Variants in SHISA9 observed in about 807,000 individuals in gnomAD.
SHISA9 encodes the protein shisa family member 9, also known as protein shisa-9.
Under a neutral mutation model 38.0 loss-of-function variants are expected in SHISA9, and 13 were observed. That is an observed-to-expected ratio of 0.34 (90% CI 0.22 to 0.54). The LOEUF (loss-of-function observed/expected upper bound fraction) is 0.54, where lower values mean the gene tolerates loss of function less well. Ranked by LOEUF, SHISA9 falls within the 20% of genes least tolerant of loss-of-function variation. The pLI, the probability that SHISA9 is intolerant of heterozygous loss-of-function variation, is 0.91. For missense variants in SHISA9, 538 were observed against 575.8 expected, an observed-to-expected ratio of 0.93 and a Z score of 0.67; for synonymous variants, 275 against 242.0, an observed-to-expected ratio of 1.14 and a Z score of -1.27.
At chr16:13,225,714 C>T (rs552064160) in intron 4 of SHISA9, among the ~76,000 whole-genome samples, 59 of 152,244 alleles carry the variant, frequency 3.9e-4, no homozygotes, top group Non-Finnish European at 6.5e-4. Flanking sequence ...CTCAGATGTG[C>T]AGCTTGTTTT....
the SHISA9 span, among the ~76,000 whole-genome samples, chr16:13,355,474 A>G: frequency 2.0e-5 from 3 of 152,006 alleles, no homozygotes; most frequent in Non-Finnish European, 2.9e-5. Context: ...AAGGGCGGCA[A>G]TGAGATATAG....
chr16:13,514,007 T>A, the SHISA9 span, among the ~76,000 whole-genome samples: 3 of 51,632 alleles, frequency 5.8e-5, no homozygotes, highest in East Asian at 9.0e-4. Context: ...AATAAAATAT[T>A]TTTTTTTAAC....
At chr16:13,479,829 T>A in the SHISA9 span, among the ~76,000 whole-genome samples, 1 of 152,210 alleles carries the variant, frequency 6.6e-6, no homozygotes, top group African/African-American at 2.4e-5. Flanking sequence ...TGTCAGGGAT[T>A]CCCATGTGTG....
chr16:12,938,926 C>A (rs1034522194), intron 2 of SHISA9, among the ~76,000 whole-genome samples: 6 of 152,150 alleles, frequency 3.9e-5, no homozygotes, highest in Non-Finnish European at 7.3e-5. Flanking sequence ...CTTCTAAGTT[C>A]TCCCTCCCAT....
the SHISA9 span, among the ~76,000 whole-genome samples, chr16:13,257,010 A>T: frequency 6.6e-6 from 1 of 152,296 alleles, no homozygotes; most frequent in African/African-American, 2.4e-5. Flanking sequence ...GGTGCCCTTG[A>T]ACCCAGTGTT....
intron 2 of SHISA9, among the ~76,000 whole-genome samples, chr16:13,021,672 G>A (rs34605457): frequency 0.078 from 11,863 of 152,204 alleles, 615 homozygotes; most frequent in East Asian, 0.27. Context: ...ATAAAACTCA[G>A]CATAACTTTA....
At chr16:13,528,580 T>G in the SHISA9 span, among the ~76,000 whole-genome samples, 24 of 152,208 alleles carry the variant, frequency 1.6e-4, no homozygotes, top group Non-Finnish European at 2.4e-4. Flanking sequence ...GAAAGGCATT[T>G]TTTTGGAGGT....
chr16:13,002,531 G>A (rs2072538486), intron 2 of SHISA9, among the ~76,000 whole-genome samples: 1 of 137,906 alleles, frequency 7.3e-6, no homozygotes, highest in South Asian at 2.3e-4. Flanking sequence ...GTTGGTTCCT[G>A]TCTTTTTTTT....
At chr16:13,027,927 CAAAAACAA>C (rs2072943760) in intron 2 of SHISA9, among the ~76,000 whole-genome samples, 1 of 29,406 alleles carries the variant, frequency 3.4e-5, no homozygotes. Context: ...AGCTCTGTCT[CAAAAACAA>C]AAAAAAAAAA....
At chr16:13,189,895 C>T (rs1442356947) in intron 2 of SHISA9, among the ~76,000 whole-genome samples, 2 of 151,826 alleles carry the variant, frequency 1.3e-5, no homozygotes, top group East Asian at 1.9e-4. Context: ...TGATGGAAGA[C>T]AAAGGAAGAC....
chr16:13,015,707 C>G (rs992508868), intron 2 of SHISA9, among the ~76,000 whole-genome samples: 2 of 151,978 alleles, frequency 1.3e-5, no homozygotes, highest in Non-Finnish European at 2.9e-5. Flanking sequence ...GTAGATACAC[C>G]GGTTCCCTAC....
intron 2 of SHISA9, among the ~76,000 whole-genome samples, chr16:13,176,325 A>G (rs769746963): frequency 2.0e-5 from 3 of 152,146 alleles, no homozygotes; most frequent in Non-Finnish European, 4.4e-5. Context: ...GACACGAGTC[A>G]TCTGTCCTGG....
intron 3 of SHISA9, among the ~76,000 whole-genome samples, chr16:13,210,960 G>T (rs1283843997): frequency 1.3e-5 from 2 of 152,182 alleles, no homozygotes; most frequent in Non-Finnish European, 2.9e-5. Flanking sequence ...TCTTCTGGGG[G>T]AAGGAGAGCT....
intron 2 of SHISA9, among the ~76,000 whole-genome samples, chr16:13,196,035 C>G (rs1054991241): frequency 1.6e-5 from 2 of 126,036 alleles, no homozygotes; most frequent in South Asian, 2.6e-4. Flanking sequence ...CTGCAGCGAG[C>G]TGAGATTGCA....
chr16:13,068,091 C>G (rs910370787), intron 2 of SHISA9, among the ~76,000 whole-genome samples: 1 of 152,176 alleles, frequency 6.6e-6, no homozygotes, highest in Non-Finnish European at 1.5e-5. Flanking sequence ...GATCAGGCTC[C>G]TTGGGCTGGA....
intron 4 of SHISA9, among the ~76,000 whole-genome samples, chr16:13,222,570 G>A (rs415232): frequency 0.37 from 55,455 of 151,928 alleles, 11,539 homozygotes; most frequent in East Asian, 0.66. Flanking sequence ...GTGGCTTCCA[G>A]GAAGGCTGGT....
chr16:12,941,146 G>A (rs1185510913), intron 2 of SHISA9, among the ~76,000 whole-genome samples: 2 of 152,136 alleles, frequency 1.3e-5, no homozygotes, highest in East Asian at 1.9e-4. Flanking sequence ...GAGGTCAGGA[G>A]TTAGAGACCA....
intron 2 of SHISA9, among the ~76,000 whole-genome samples, chr16:13,090,185 G>C (rs545137200): frequency 2.5e-4 from 38 of 152,126 alleles, no homozygotes; most frequent in Admixed American, 1.4e-3. Context: ...TGTGATTTCT[G>C]TTCTTTTACA....
At chr16:13,045,757 C>A (rs1336162481) in intron 2 of SHISA9, among the ~76,000 whole-genome samples, 2 of 90,702 alleles carry the variant, frequency 2.2e-5, no homozygotes, top group Non-Finnish European at 5.7e-5. Flanking sequence ...TGTCCCCTGC[C>A]CCCACTGTGT....
Sources: allele counts gnomAD v4.1 joint callset (sites outside exome capture counted in the v4.1 genomes callset), GRCh38; gene constraint gnomAD v4.1.1; transcripts MANE v1.5; gene names NCBI Gene and HGNC (gene_info 2026-07-23, HGNC 2026-07-21).